Variants in PAPPA observed in about 807,000 individuals in gnomAD.
The protein encoded by PAPPA is pappalysin 1, also known as pappalysin-1.
A neutral mutation model predicts 164.0 loss-of-function variants in PAPPA; 60 were observed. That is an observed-to-expected ratio of 0.37 (90% CI 0.30 to 0.45). The LOEUF (loss-of-function observed/expected upper bound fraction) is 0.45, where lower values mean the gene tolerates loss of function less well. Ranked by LOEUF, PAPPA falls within the 20% of genes least tolerant of loss-of-function variation. The pLI, the probability that PAPPA is intolerant of heterozygous loss-of-function variation, is 1.00. For synonymous variants in PAPPA, 875 were observed against 814.1 expected, an observed-to-expected ratio of 1.07 and a Z score of -1.27; for missense variants, 1,782 against 2,087.3, an observed-to-expected ratio of 0.85 and a Z score of 2.85.
At chr9:116,383,049 A>G (rs1036557034) in intron 21 of PAPPA, among the ~76,000 whole-genome samples, 6 of 152,236 alleles carry the variant, frequency 3.9e-5, no homozygotes, top group African/African-American at 1.2e-4. Flanking sequence ...GTAGAATTAG[A>G]GAAAGATGGT....
chr9:116,197,258 A>G (rs1410015803), intron 2 of PAPPA, among the ~76,000 whole-genome samples: 2 of 152,202 alleles, frequency 1.3e-5, no homozygotes, highest in Non-Finnish European at 2.9e-5. Flanking sequence ...GGATGGGCTT[A>G]ATATTTAAAA....
At chr9:116,303,734 A>C (rs749803429) in intron 10 of PAPPA, among the ~76,000 whole-genome samples, 17 of 152,130 alleles carry the variant, frequency 1.1e-4, no homozygotes, top group Non-Finnish European at 2.4e-4. Flanking sequence ...ATGAGCTGCT[A>C]TTCCCAGGCA....
intron 1 of PAPPA, among the ~76,000 whole-genome samples, chr9:116,180,687 C>T (rs563126931): frequency 2.4e-4 from 36 of 152,210 alleles, no homozygotes; most frequent in African/African-American, 7.9e-4. Flanking sequence ...TCCACCCCGC[C>T]GCCCCCAGAC....
chr9:116,197,155 G>A (rs770410443), intron 2 of PAPPA, among the ~76,000 whole-genome samples: 17 of 152,272 alleles, frequency 1.1e-4, no homozygotes, highest in Admixed American at 3.9e-4. Context: ...CTGTAAAATG[G>A]GAGGATTTGA....
intron 2 of PAPPA, among the ~76,000 whole-genome samples, chr9:116,193,593 T>C (rs1844069650): frequency 6.6e-6 from 1 of 152,058 alleles, no homozygotes; most frequent in African/African-American, 2.4e-5. Flanking sequence ...CTCCCATGCT[T>C]TTTCAACTAC....
In PAPPA at chr9:116,398,653, C is replaced by T. The variant is rs565752146; in HGVS notation, c.*2037C>T. On this transcript the variant is annotated 3_prime_UTR_variant, in exon 22 of 22. Transcript: ENST00000328252. ...CTTTTGGCACAGGTGCCCACAAATA[C>T]GGATGCAGTGCTGAGATAGTTTATG... 5 of 603,264 alleles carry T rather than the reference C, an allele frequency of 8.3e-6. No individual in the cohort carries two copies. The highest frequency in any genetic ancestry group is 6.7e-5 in the East Asian group (1 of 14,938). The allele number at this position is 603,264 out of a possible 1,614,324, so 37.4% of individuals were successfully genotyped here.
intron 7 of PAPPA, among the ~76,000 whole-genome samples, chr9:116,240,168 T>A (rs1475477247): frequency 2.0e-5 from 3 of 152,206 alleles, no homozygotes; most frequent in Admixed American, 6.5e-5. Context: ...TCTGTCTCAT[T>A]CATCCATCAC....
chr9:116,361,280 G>A (rs1846423254), intron 17 of PAPPA, among the ~76,000 whole-genome samples: 1 of 152,196 alleles, frequency 6.6e-6, no homozygotes, highest in East Asian at 1.9e-4. Flanking sequence ...TTATAAGCCT[G>A]AAAGGGGTAG....
intron 1 of PAPPA, among the ~76,000 whole-genome samples, chr9:116,179,798 G>A (rs891789487): frequency 3.3e-5 from 5 of 152,138 alleles, no homozygotes; most frequent in African/African-American, 1.2e-4. Flanking sequence ...GCTTTCCATA[G>A]GATTGCTCTC....
rs752631846 is a variant in PAPPA at position 116,187,393 on chromosome 9, A to G, written c.655A>G (p.Thr219Ala). 1 of 1,614,070 alleles carries G rather than the reference A, an allele frequency of 6.2e-7. No homozygotes were observed. The highest frequency in any genetic ancestry group is 2.2e-5 in the East Asian group (1 of 44,872). The change falls in exon 2 of 22, where the codon ACC becomes GCC. Residue 219 changes from threonine (T) to alanine (A), a missense_variant. Transcript: ENST00000328252. The surrounding 1 kb of genome is among the most constrained non-coding windows in gnomAD (Gnocchi z 4.2). ...KLYVNGAQVA[T>A]SGEQVGGIFS... ...CTATGTGAATGGTGCCCAGGTGGCCACCTCTGGGGAACAAGTGGGTGGCAT... is the reference window on the plus strand; with the variant it reads ...CTATGTGAATGGTGCCCAGGTGGCCGCCTCTGGGGAACAAGTGGGTGGCAT...
Position 116,187,805 on chromosome 9 carries a change from G to T in PAPPA, c.1067G>T (p.Arg356Leu). ...SFRQPKVVRY[R>L]VVNLYEDDHK... ...CGCCAGCCCAAGGTGGTGCGCTACC[G>T]CGTGGTCAACCTCTATGAAGATGAT... The change falls in exon 2 of 22, where the codon CGC (arginine) becomes CTC (leucine). Residue 356 changes from arginine (R) to leucine (L), a missense_variant. Around this residue, in one of 2 missense-constraint regions of PAPPA, gnomAD observed 1,324 missense variants for 1,656.9 expected, o/e 0.80. Coordinates refer to ENST00000328252, the MANE Select transcript of PAPPA (RefSeq NM_002581.5). This position sits in a 1 kb window ranked among gnomAD's most constrained non-coding sequence, Gnocchi z 4.2. The T allele has an allele frequency of 6.2e-7, 1 of 1,614,244 alleles. No individual in the cohort carries two copies. The highest frequency in any genetic ancestry group is 2.2e-5 in the East Asian group (1 of 44,884).
At chr9:116,213,878 G>A (rs1844339902) in intron 4 of PAPPA, among the ~76,000 whole-genome samples, 1 of 152,204 alleles carries the variant, frequency 6.6e-6, no homozygotes, top group Non-Finnish European at 1.5e-5. Context: ...GACAAAAGCA[G>A]CTGGATGCAA....
At chr9:116,171,587 C>G (rs931309716) in intron 1 of PAPPA, among the ~76,000 whole-genome samples, 2 of 151,986 alleles carry the variant, frequency 1.3e-5, no homozygotes, top group Admixed American at 6.6e-5. Context: ...ATCAGTAGCT[C>G]AAACAAGCCT....
Position 116,154,611 on chromosome 9 carries a change from CG to C in PAPPA, c.415+25del. The C allele has an allele frequency of 7.6e-7, 1 of 1,307,696 alleles. No individual in the cohort carries two copies. Among genetic ancestry groups the C allele is most frequent in the South Asian group, 2.1e-5 (1 of 47,592 alleles). The allele number at this position is 1,307,696 out of a possible 1,614,324, so 81.0% of individuals were successfully genotyped here. On this transcript the variant is annotated intron_variant, in intron 1 of 21. Transcript: ENST00000328252. This position sits in a 1 kb window ranked among gnomAD's most constrained non-coding sequence, Gnocchi z 5.2. ...AGGTAGGTGAGGGCGCCTCGGCGGG[CG>C]CTGCACCGTCCCTGCGGCCCCAGAG...
intron 1 of PAPPA, among the ~76,000 whole-genome samples, chr9:116,175,768 T>G (rs1210659441): frequency 6.6e-6 from 1 of 152,112 alleles, no homozygotes; most frequent in Non-Finnish European, 1.5e-5. Flanking sequence ...TCTGTTCTTA[T>G]GAGGCTTACA....
chr9:116,182,412 T>C (rs1173893604), intron 1 of PAPPA, among the ~76,000 whole-genome samples: 1 of 152,162 alleles, frequency 6.6e-6, no homozygotes, highest in Non-Finnish European at 1.5e-5. Context: ...GAAGCACAGA[T>C]CTTGAATGAG....
At chr9:116,159,534 AG>A (rs1354364052) in intron 1 of PAPPA, among the ~76,000 whole-genome samples, 1 of 152,196 alleles carries the variant, frequency 6.6e-6, no homozygotes, top group Non-Finnish European at 1.5e-5. Context: ...TAAGAGCCAA[AG>A]GAGGCCCAGA....
At chr9:116,189,048 A>G (rs73525812) in intron 2 of PAPPA, among the ~76,000 whole-genome samples, 5,210 of 152,266 alleles carry the variant, frequency 0.034, 311 homozygotes, top group African/African-American at 0.12. Context: ...TTGCAGCTTG[A>G]CTATATCAGG....
At chr9:116,232,432 C>T (rs559166702) in intron 6 of PAPPA, among the ~76,000 whole-genome samples, 1 of 152,282 alleles carries the variant, frequency 6.6e-6, no homozygotes, top group South Asian at 2.1e-4. Flanking sequence ...CAGTAGGTAA[C>T]ACAATGAGAA....
Sources: gnomAD v4.1 joint callset for allele counts (sites outside exome capture counted in the v4.1 genomes callset) on GRCh38, gnomAD v4.1.1 for gene constraint, gnomAD v4.1.1 regional missense constraint, Gnocchi (gnomAD v3.1) non-coding constraint, MANE v1.5 for transcripts, NCBI Gene and HGNC (gene_info 2026-07-23, HGNC 2026-07-21) for gene names.